OCM2: variants seen among roughly 807,000 people sequenced by gnomAD.
OCM2 encodes oncomodulin-2.
A neutral mutation model predicts 13.6 loss-of-function variants in OCM2; 6 were observed. That is an observed-to-expected ratio of 0.44 (90% CI 0.24 to 0.87). The LOEUF is 0.87. OCM2 is among the 40% of genes least tolerant of loss of function. OCM2 has a pLI of 0.22. For synonymous variants in OCM2, 40 were observed against 50.7 expected (o/e 0.79, Z 0.90); for missense variants, 118 against 136.8 (o/e 0.86, Z 0.68).
At position 97,990,030 on chromosome 7, in the gene OCM2, C is replaced by CCCCACCCCACAAACAAAGCAA; in HGVS notation, c.61+13_61+14insTTGCTTTGTTTGTGGGGTGGG. ...CTGTGAGGAAATCCCACCCCCGCCCCACGTCCCCTCTACCTTGGCATTCCT... is the reference window on the plus strand; with the variant it reads ...CTGTGAGGAAATCCCACCCCCGCCCCCCCACCCCACAAACAAAGCAAACGTCCCCTCTACCTTGGCATTCCT... On this transcript the variant is annotated intron_variant, in intron 1 of 3. Transcript: ENST00000257627. The CCCCACCCCACAAACAAAGCAA allele has an allele frequency of 6.4e-7, 1 of 1,571,176 alleles. No homozygotes were observed. The highest frequency in any genetic ancestry group is 8.8e-7 in the Non-Finnish European group (1 of 1,141,482).
chr7:97,985,046 T>C, intron 3 of OCM2, 63 bp from the exon 4 acceptor site: 1 of 1,611,294 alleles, frequency 6.2e-7, no homozygotes, highest in East Asian at 2.2e-5. Flanking sequence ...AGACATGCCG[T>C]GGCCAGTGAG....
exon 4 of OCM2, chr7:97,984,738 A>C (rs1794653436): frequency 5.6e-6 from 3 of 539,776 alleles, no homozygotes; most frequent in Non-Finnish European, 1.0e-5. Flanking sequence ...CTGTTGGGGG[A>C]AGGGGGGCTT....
At chr7:97,988,382 G>T (rs1325292836) in intron 2 of OCM2, 34 bp downstream of exon 2, 3 of 1,613,302 alleles carry the variant, frequency 1.9e-6, no homozygotes, top group Middle Eastern at 3.3e-4. Flanking sequence ...ACCCAGCAGT[G>T]CCAGGTACCA....
At chr7:97,989,398 T>C (rs1794708108) in intron 1 of OCM2, among the ~76,000 whole-genome samples, 1 of 150,494 alleles carries the variant, frequency 6.6e-6, no homozygotes, top group African/African-American at 2.4e-5. Flanking sequence ...TATTTATTTA[T>C]TTATTTATTT....
chr7:97,987,166 A>G lies in OCM2; in HGVS notation c.195-10T>C, dbSNP rs766134909. 10 of 1,613,176 alleles carry G rather than the reference A, an allele frequency of 6.2e-6. No individual in the cohort carries two copies. Among genetic ancestry groups the G allele is most frequent in the South Asian group, 3.3e-5 (3 of 90,984 alleles). ...CTTCTGGAGGAAAAACCTACAGGAT[A>G]ATAAAGATCCATGGGGATTTTCAAA... is the stretch of plus-strand genomic sequence containing the variant. On this transcript the variant is annotated splice_polypyrimidine_tract_variant and intron_variant, in intron 2 of 3. Coordinates refer to ENST00000257627, the Ensembl canonical transcript of OCM2.
chr7:97,990,050 A>G (rs771510689), exon 1 of OCM2: 1 of 1,454,202 alleles, frequency 6.9e-7, no homozygotes, highest in South Asian at 1.1e-5. Context: ...CTACCTTGGC[A>G]TTCCTGGAGC....
chr7:97,985,930 G>A (rs1298079590), intron 3 of OCM2, among the ~76,000 whole-genome samples: 1 of 149,818 alleles, frequency 6.7e-6, no homozygotes, highest in South Asian at 2.1e-4. Flanking sequence ...TTTTTCTTTT[G>A]AGATAGAGTT....
At chr7:97,985,461 A>T (rs913801920) in intron 3 of OCM2, among the ~76,000 whole-genome samples, 8 of 151,708 alleles carry the variant, frequency 5.3e-5, no homozygotes, top group Non-Finnish European at 1.2e-4. Flanking sequence ...GAAAGAAAAA[A>T]ACCCTGGGTA....
intron 3 of OCM2, among the ~76,000 whole-genome samples, chr7:97,985,755 T>C (rs1248443136): frequency 6.6e-6 from 1 of 152,136 alleles, no homozygotes; most frequent in Non-Finnish European, 1.5e-5. Flanking sequence ...CTGACTTTCC[T>C]CCATTGAACC....
intron 1 of OCM2, among the ~76,000 whole-genome samples, chr7:97,989,578 A>AT (rs912618346): frequency 6.6e-6 from 1 of 151,058 alleles, no homozygotes; most frequent in African/African-American, 2.4e-5. Flanking sequence ...TTTTATTTTT[A>AT]TTGTTATGTT....
chr7:97,985,431 A>AAAAGAAAGAAAGAAAG (rs1554366491), intron 3 of OCM2, among the ~76,000 whole-genome samples: 3 of 131,500 alleles, frequency 2.3e-5, no homozygotes, highest in Admixed American at 9.5e-5. Flanking sequence ...AAAAAAAAAA[A>AAAAGAAAGAAAGAAAG]AAAGAAAGAA....
Position 97,985,433 on chromosome 7 carries a change from AAG to A in OCM2, c.305-452_305-451del, listed in dbSNP as rs1554366490. On this transcript the variant is annotated intron_variant, in intron 3 of 3. Transcript: ENST00000257627. ...GACTCCATCTCAAAAAAAAAAAAAA[AAG>A]AAAGAAAGAAAGAAAGAAAGAAAAA... Among the ~76,000 whole-genome samples, 686 of 129,300 alleles carry A rather than the reference AAG, an allele frequency of 5.3e-3. 4 individuals are homozygous for A. Among genetic ancestry groups the A allele is most frequent in the African/African-American group, 0.017 (599 of 36,062 alleles). The allele number at this position is 129,300 out of a possible 152,430, so 84.8% of individuals were successfully genotyped here.
exon 4 of OCM2, chr7:97,984,720 G>C (rs1794653224): frequency 1.9e-6 from 1 of 538,916 alleles, no homozygotes; most frequent in Non-Finnish European, 3.3e-6. Flanking sequence ...GATTTTTAGA[G>C]GCATTGCCTG....
intron 1 of OCM2, 28 bp downstream of exon 1, chr7:97,990,016 T>TGGGC: frequency 7.4e-6 from 8 of 1,083,834 alleles, no homozygotes; most frequent in Non-Finnish European, 1.1e-5. Flanking sequence ...TGTGAGGAAA[T>TGGGC]CCCACCCCCG....
Position 97,988,992 on chromosome 7 carries a change from G to A in OCM2, c.62-444C>T, listed in dbSNP as rs186088402. 2.8e-4 allele frequency among the ~76,000 whole-genome samples: 42 copies of A among 147,480 alleles called. 1 individual carries two copies. The East Asian group carries it at 6.6e-3, about 23-fold the overall frequency. On this transcript the variant is annotated intron_variant, in intron 1 of 3. Transcript: ENST00000257627. ...TGTCGCCAGGCTGGAGTGCAGTGGC[G>A]TGATCTCGGCTCACTGCAACCTCTG... is the stretch of plus-strand genomic sequence containing the variant.
At chr7:97,990,020 A>ACCCCCCC in intron 1 of OCM2, 24 bp downstream of exon 1, 10 of 644,600 alleles carry the variant, frequency 1.6e-5, no homozygotes, top group Admixed American at 2.1e-5. Flanking sequence ...AGGAAATCCC[A>ACCCCCCC]CCCCCGCCCC....
At chr7:97,986,038 G>C (rs547014128) in intron 3 of OCM2, among the ~76,000 whole-genome samples, 10 of 151,930 alleles carry the variant, frequency 6.6e-5, no homozygotes, top group Non-Finnish European at 1.5e-4. Flanking sequence ...TCAGCTTCCC[G>C]AGTAGTTGGG....
At chr7:97,988,594 T>A (rs1794696289) in intron 1 of OCM2, 46 bp from the exon 2 acceptor site, 1 of 1,612,090 alleles carries the variant, frequency 6.2e-7, no homozygotes, top group South Asian at 1.1e-5. Flanking sequence ...TGGATCACAT[T>A]CTATGTTGGG....
At chr7:97,987,864 A>T (rs1417059759) in intron 2 of OCM2, among the ~76,000 whole-genome samples, 1 of 151,936 alleles carries the variant, frequency 6.6e-6, no homozygotes. Flanking sequence ...TTAGTTTTTT[A>T]AAGTCCATTT....
Sources: allele counts gnomAD v4.1 joint callset (sites outside exome capture counted in the v4.1 genomes callset), GRCh38; gene constraint gnomAD v4.1.1; transcripts MANE v1.5; gene names NCBI Gene and HGNC (gene_info 2026-07-23, HGNC 2026-07-21).